CSMD1: variants seen among roughly 807,000 people sequenced by gnomAD.
CSMD1 encodes the protein CUB and sushi domain-containing protein 1.
CSMD1 carries 213 observed loss-of-function variants against 417.5 expected under a neutral mutation model. The observed-to-expected ratio is 0.51, with a 90% confidence interval of 0.46 to 0.57. The LOEUF is 0.57. CSMD1 is among the 20% of genes least tolerant of loss of function. The probability of loss-of-function intolerance (pLI) is 0.00; values close to 1 mark genes in which losing one functional copy is unlikely to be tolerated. For missense variants in CSMD1, 6,923 were observed against 4,529.7 expected, an observed-to-expected ratio of 1.53 and a Z score of -15.17; for synonymous variants, 2,862 against 1,736.8, an observed-to-expected ratio of 1.65 and a Z score of -16.11.
intron 5 of CSMD1, among the ~76,000 whole-genome samples, chr8:3,950,933 C>G (rs578112000): frequency 2.0e-5 from 3 of 152,126 alleles, no homozygotes; most frequent in Admixed American, 6.5e-5. Flanking sequence ...ATAATAAGCC[C>G]TGAACAGACA....
intron 12 of CSMD1, among the ~76,000 whole-genome samples, chr8:3,443,570 C>G (rs28438564): frequency 6.6e-6 from 1 of 152,096 alleles, no homozygotes; most frequent in South Asian, 2.1e-4. Context: ...GAAAGTGAAA[C>G]AGTTTAGAAG....
chr8:3,564,222 C>A (rs993597766), intron 10 of CSMD1, among the ~76,000 whole-genome samples: 1 of 152,132 alleles, frequency 6.6e-6, no homozygotes, highest in East Asian at 1.9e-4. Context: ...TCCTACTCTA[C>A]TATTGAATAC....
At chr8:4,698,697 G>C (rs962501525) in intron 1 of CSMD1, among the ~76,000 whole-genome samples, 1 of 150,624 alleles carries the variant, frequency 6.6e-6, no homozygotes, top group African/African-American at 2.5e-5. Flanking sequence ...CCCTCTGTAC[G>C]GGGGAGCATT....
chr8:4,201,018 C>A (rs927274990), intron 3 of CSMD1, among the ~76,000 whole-genome samples: 2 of 152,118 alleles, frequency 1.3e-5, no homozygotes, highest in African/African-American at 4.8e-5. Flanking sequence ...GTGTGGAAGG[C>A]ATCATGAGAT....
chr8:3,410,069 C>T (rs1008574183), intron 12 of CSMD1, among the ~76,000 whole-genome samples: 1 of 152,130 alleles, frequency 6.6e-6, no homozygotes, highest in Non-Finnish European at 1.5e-5. Flanking sequence ...AATGTTAACA[C>T]TCACTTATGA....
intron 3 of CSMD1, among the ~76,000 whole-genome samples, chr8:4,096,388 T>A (rs1801013099): frequency 6.6e-6 from 1 of 152,102 alleles, no homozygotes; most frequent in South Asian, 2.1e-4. Flanking sequence ...AGTGGATGCC[T>A]ATGGCTCTAA....
At chr8:4,358,275 G>A (rs1584951971) in intron 3 of CSMD1, among the ~76,000 whole-genome samples, 1 of 152,014 alleles carries the variant, frequency 6.6e-6, no homozygotes, top group East Asian at 1.9e-4. Flanking sequence ...CAGTGGGTGT[G>A]GAGCGCGGCC....
intron 8 of CSMD1, among the ~76,000 whole-genome samples, chr8:3,611,283 G>T (rs984379624): frequency 2.0e-5 from 3 of 151,838 alleles, no homozygotes; most frequent in African/African-American, 7.3e-5. Flanking sequence ...AGGGAGCAGG[G>T]AAAATGATTG....
At position 3,257,167 on chromosome 8, in the gene CSMD1, C is replaced by G. The variant is rs1418721006; in HGVS notation, c.4154-26936G>C. ...TGAAACCCCATCTCCGCTAAAAACACAAAAATTTGCTGGGTTTGGTGGTGC... is the reference window on the plus strand; with the variant it reads ...TGAAACCCCATCTCCGCTAAAAACAGAAAAATTTGCTGGGTTTGGTGGTGC... On this transcript the variant is annotated intron_variant, in intron 26 of 69. Coordinates refer to ENST00000635120, the MANE Select transcript of CSMD1 (RefSeq NM_033225.6). 3.3e-5 allele frequency among the ~76,000 whole-genome samples: 5 copies of G among 152,224 alleles called. No individual in the cohort carries two copies. In the South Asian group the frequency reaches 6.2e-4, roughly 19 times the overall value.
At chr8:3,870,093 T>A (rs1245445169) in intron 5 of CSMD1, among the ~76,000 whole-genome samples, 2 of 152,210 alleles carry the variant, frequency 1.3e-5, no homozygotes, top group African/African-American at 4.8e-5. Context: ...TTAAGTTATC[T>A]ACTAATAACA....
intron 3 of CSMD1, among the ~76,000 whole-genome samples, chr8:4,047,953 T>C (rs751680104): frequency 4.6e-5 from 7 of 152,228 alleles, no homozygotes; most frequent in Non-Finnish European, 8.8e-5. Flanking sequence ...TATAATGTCA[T>C]GTTGAGTCCT....
At chr8:4,451,945 ATATAT>A (rs1019403357) in intron 2 of CSMD1, among the ~76,000 whole-genome samples, 5 of 148,526 alleles carry the variant, frequency 3.4e-5, no homozygotes, top group African/African-American at 1.2e-4. Flanking sequence ...GTATATTATT[ATATAT>A]AATATATAAA....
chr8:3,947,291 T>G (rs543721505), intron 5 of CSMD1, among the ~76,000 whole-genome samples: 39 of 152,290 alleles, frequency 2.6e-4, no homozygotes, highest in Non-Finnish European at 4.7e-4. Flanking sequence ...TGATTATGTA[T>G]GCAGCTTTTA....
At chr8:3,708,684 G>A (rs1458073044) in intron 6 of CSMD1, among the ~76,000 whole-genome samples, 193 bp from the exon 7 acceptor site, 1 of 152,156 alleles carries the variant, frequency 6.6e-6, no homozygotes, top group Non-Finnish European at 1.5e-5. Context: ...CTATCAAGCA[G>A]CAAGATCACA....
intron 5 of CSMD1, among the ~76,000 whole-genome samples, chr8:3,855,394 A>G (rs1804226887): frequency 6.6e-6 from 1 of 152,174 alleles, no homozygotes; most frequent in African/African-American, 2.4e-5. Context: ...ACAAAATAAA[A>G]ACAACAAAAA....
intron 25 of CSMD1, among the ~76,000 whole-genome samples, chr8:3,295,612 C>G (rs982812017): frequency 1.3e-5 from 2 of 152,326 alleles, no homozygotes; most frequent in Non-Finnish European, 1.5e-5. Flanking sequence ...ATGCAAGGAT[C>G]TTTCTAGGCC....
rs116999582 is a variant in CSMD1 at position 3,601,400 on chromosome 8, G to A, written c.1098-15140C>T. 5.8e-3 allele frequency among the ~76,000 whole-genome samples: 888 copies of A among 152,214 alleles called. 12 individuals carry two copies. The highest frequency in any genetic ancestry group is 0.021 in the Admixed American group (319 of 15,284). On this transcript the variant is annotated intron_variant, in intron 8 of 69. Transcript: ENST00000635120. ...GAGGTTTCCATATACATTATCAGACGATGTTTATGCTATCAAACAGGTTTA... is the reference window on the plus strand; with the variant it reads ...GAGGTTTCCATATACATTATCAGACAATGTTTATGCTATCAAACAGGTTTA...
intron 4 of CSMD1, among the ~76,000 whole-genome samples, chr8:4,026,386 T>C (rs963336689): frequency 3.9e-5 from 6 of 152,236 alleles, no homozygotes; most frequent in African/African-American, 7.2e-5. Flanking sequence ...ACTGATCTCA[T>C]TGGGATTTAC....
chr8:4,570,145 G>C (rs777278801), intron 2 of CSMD1, among the ~76,000 whole-genome samples: 1 of 152,108 alleles, frequency 6.6e-6, no homozygotes, highest in Non-Finnish European at 1.5e-5. Context: ...TCTCTTGCCT[G>C]ATTGCCCTGG....
Sources: allele counts gnomAD v4.1 joint callset (sites outside exome capture counted in the v4.1 genomes callset), GRCh38; gene constraint gnomAD v4.1.1; transcripts MANE v1.5; gene names NCBI Gene and HGNC (gene_info 2026-07-23, HGNC 2026-07-21).